Variants in THSD7A observed in about 807,000 individuals in gnomAD.
The protein encoded by THSD7A is thrombospondin type 1 domain containing 7A, also known as thrombospondin type-1 domain-containing protein 7A.
Under a neutral mutation model 231.3 loss-of-function variants are expected in THSD7A, and 96 were observed. The ratio of observed to expected loss-of-function variants is 0.41; its 90% CI spans 0.35 to 0.49. THSD7A has a LOEUF of 0.49. Ranked by LOEUF, THSD7A falls within the 20% of genes least tolerant of loss-of-function variation. The pLI is 0.05. For missense variants in THSD7A, 2,290 were observed against 2,070.2 expected (o/e 1.11, Z -2.06); for synonymous variants, 940 against 743.3 (o/e 1.26, Z -4.30).
intron 13 of THSD7A, among the ~76,000 whole-genome samples, chr7:11,442,692 T>G (rs757992402): frequency 2.6e-5 from 4 of 152,024 alleles, no homozygotes; most frequent in Non-Finnish European, 5.9e-5. Context: ...CCCAAAGAAA[T>G]CAGGCATTGG....
Position 11,374,307 on chromosome 7 carries a change from T to C in THSD7A, c.*1487A>G, listed in dbSNP as rs1782177348. 6.6e-6 allele frequency: 1 copy of C among 152,126 alleles called. No individual in the cohort carries two copies. The highest frequency in any genetic ancestry group is 1.5e-5 in the Non-Finnish European group (1 of 67,996). 9.4% of individuals were successfully genotyped at this position (152,126 alleles called of 1,614,324 possible). A position where few individuals can be genotyped will look rare whatever the true frequency, so the allele number is the denominator to read the frequency against. ...GGAAAATATTTTCTATATAGTCCTT[T>C]ACAGAAAAAGTTTGCCACTCTTGCT... On this transcript the variant is annotated 3_prime_UTR_variant, in exon 28 of 28. Coordinates refer to ENST00000423059, the MANE Select transcript of THSD7A (RefSeq NM_015204.3).
intron 1 of THSD7A, among the ~76,000 whole-genome samples, chr7:11,728,558 G>A (rs1781622206): frequency 6.6e-6 from 1 of 151,766 alleles, no homozygotes; most frequent in African/African-American, 2.4e-5. Context: ...CATATTATGG[G>A]GTAGAAGACA....
At chr7:11,399,913 A>G (rs573788466) in intron 23 of THSD7A, among the ~76,000 whole-genome samples, 8 of 152,166 alleles carry the variant, frequency 5.3e-5, no homozygotes, top group Non-Finnish European at 7.4e-5. Context: ...GACCAACCCA[A>G]ATGTCCATCA....
intron 4 of THSD7A, among the ~76,000 whole-genome samples, chr7:11,555,056 A>C (rs1789788716): frequency 6.6e-6 from 1 of 151,096 alleles, no homozygotes; most frequent in South Asian, 2.1e-4. Flanking sequence ...TGTTTGTTTT[A>C]TTGGTTTTTC....
At chr7:11,593,182 C>T (rs970545624) in intron 3 of THSD7A, 72 bp downstream of exon 3, 135 of 1,557,346 alleles carry the variant, frequency 8.7e-5, no homozygotes, top group Non-Finnish European at 7.4e-5. Context: ...GCTTAGAGTA[C>T]TGTTCAGTCA....
chr7:11,437,699 T>A (rs975421551), intron 13 of THSD7A, among the ~76,000 whole-genome samples: 8 of 152,058 alleles, frequency 5.3e-5, no homozygotes, highest in Admixed American at 5.2e-4. Flanking sequence ...TCTGCCTGGT[T>A]TAATTAAACA....
intron 23 of THSD7A, among the ~76,000 whole-genome samples, chr7:11,389,912 CT>C (rs1782916125): frequency 6.6e-6 from 1 of 152,086 alleles, no homozygotes; most frequent in South Asian, 2.1e-4. Context: ...CTTGAAAATT[CT>C]TTTCTTTAAG....
At chr7:11,757,953 T>G (rs577335062) in intron 1 of THSD7A, among the ~76,000 whole-genome samples, 56 of 149,854 alleles carry the variant, frequency 3.7e-4, no homozygotes, top group African/African-American at 1.2e-3. Flanking sequence ...ATAAAATTTT[T>G]TATTGACCAC....
At chr7:11,686,956 C>A (rs1189226517) in intron 1 of THSD7A, among the ~76,000 whole-genome samples, 1 of 151,850 alleles carries the variant, frequency 6.6e-6, no homozygotes, top group Non-Finnish European at 1.5e-5. Flanking sequence ...CACATGTACC[C>A]TCTGAATCTA....
intron 1 of THSD7A, among the ~76,000 whole-genome samples, chr7:11,641,966 G>C (rs543255315): frequency 6.6e-6 from 1 of 152,130 alleles, no homozygotes; most frequent in African/African-American, 2.4e-5. Flanking sequence ...ACATTGAAAA[G>C]AGACCAAATT....
At chr7:11,790,005 C>T (rs1583293310) in intron 1 of THSD7A, among the ~76,000 whole-genome samples, 3 of 152,006 alleles carry the variant, frequency 2.0e-5, no homozygotes, top group Admixed American at 2.0e-4. Context: ...TAAAAATTCA[C>T]AGTAAAATAT....
Position 11,753,015 on chromosome 7 carries a change from TAATTA to T in THSD7A, c.190+78737_190+78741del, listed in dbSNP as rs1782555302. Among the ~76,000 whole-genome samples, 7 of 152,258 alleles carry T rather than the reference TAATTA, an allele frequency of 4.6e-5. No individual in the cohort carries two copies. In the South Asian group the frequency reaches 1.4e-3, roughly 32 times the overall value. On this transcript the variant is annotated intron_variant, in intron 1 of 27. Coordinates refer to ENST00000423059, the MANE Select transcript of THSD7A (RefSeq NM_015204.3). ...GTTCAATTTTGTGTAAATCTGAATT[TAATTA>T]AAGTGTTAGTTTATAAAATAAAATT...
intron 23 of THSD7A, among the ~76,000 whole-genome samples, chr7:11,388,699 T>C (rs1182394363): frequency 6.6e-6 from 1 of 152,202 alleles, no homozygotes; most frequent in Non-Finnish European, 1.5e-5. Flanking sequence ...CCTTCAGTTC[T>C]GCTAGCTTTT....
At chr7:11,762,515 C>T (rs1398338664) in intron 1 of THSD7A, among the ~76,000 whole-genome samples, 6 of 152,100 alleles carry the variant, frequency 3.9e-5, no homozygotes, top group Admixed American at 2.6e-4. Flanking sequence ...TGTTTGCTGG[C>T]CGCTCAGGTG....
intron 9 of THSD7A, among the ~76,000 whole-genome samples, chr7:11,466,940 G>A (rs1185571049): frequency 6.6e-6 from 1 of 151,926 alleles, no homozygotes; most frequent in Non-Finnish European, 1.5e-5. Flanking sequence ...CACAAGAAAT[G>A]AGCCCTCCCC....
chr7:11,584,852 C>T (rs1185601078), intron 4 of THSD7A, among the ~76,000 whole-genome samples: 1 of 152,108 alleles, frequency 6.6e-6, no homozygotes, highest in Non-Finnish European at 1.5e-5. Context: ...GTAAACAGTT[C>T]TATATTCAGA....
At chr7:11,685,201 C>A (rs1779994691) in intron 1 of THSD7A, among the ~76,000 whole-genome samples, 1 of 151,700 alleles carries the variant, frequency 6.6e-6, no homozygotes, top group African/African-American at 2.4e-5. Flanking sequence ...ACCTATACCT[C>A]TCATCATATA....
intron 4 of THSD7A, among the ~76,000 whole-genome samples, chr7:11,571,803 C>CA (rs890190342): frequency 6.7e-5 from 10 of 149,750 alleles, no homozygotes; most frequent in Non-Finnish European, 1.0e-4. Flanking sequence ...TGTATTGTAT[C>CA]TTTTTTTTTT....
At chr7:11,397,161 C>G (rs181276026) in intron 23 of THSD7A, among the ~76,000 whole-genome samples, 1 of 151,774 alleles carries the variant, frequency 6.6e-6, no homozygotes, top group Non-Finnish European at 1.5e-5. Context: ...TATGTCAAAC[C>G]CACAGCCACA....
Sources: allele counts gnomAD v4.1 joint callset (sites outside exome capture counted in the v4.1 genomes callset), GRCh38; gene constraint gnomAD v4.1.1; transcripts MANE v1.5; gene names NCBI Gene and HGNC (gene_info 2026-07-23, HGNC 2026-07-21).